Variants in FOXP2 observed in about 807,000 individuals in gnomAD.
FOXP2 encodes the protein forkhead box P2.
In FOXP2, 12 loss-of-function variants were observed where a neutral mutation model predicts 115.8. The observed-to-expected ratio is 0.10, with a 90% CI of 0.07 to 0.17. FOXP2 has a LOEUF of 0.17. FOXP2 is among the 10% of genes least tolerant of loss of function. The pLI, the probability that FOXP2 is intolerant of heterozygous loss-of-function variation, is 1.00. For synonymous variants in FOXP2, 328 were observed against 297.7 expected (o/e 1.10, Z -1.05); for missense variants, 629 against 843.5 (o/e 0.75, Z 3.15).
chr7:114,162,720 G>A (rs1447744981), upstream of FOXP2, among the ~76,000 whole-genome samples: 2 of 151,938 alleles, frequency 1.3e-5, no homozygotes, highest in Non-Finnish European at 2.9e-5. Flanking sequence ...TTGCTATGCT[G>A]CTTAGCCATA....
At chr7:114,279,508 T>C (rs1447316525) in intron 1 of FOXP2, among the ~76,000 whole-genome samples, 2 of 152,174 alleles carry the variant, frequency 1.3e-5, no homozygotes, top group African/African-American at 2.4e-5. Flanking sequence ...CTAGACTGCC[T>C]GTGTCACATT....
chr7:114,462,733 T>A (rs1795635423), intron 2 of FOXP2, among the ~76,000 whole-genome samples: 1 of 152,168 alleles, frequency 6.6e-6, no homozygotes, highest in Non-Finnish European at 1.5e-5. Context: ...TGAGTTGAAA[T>A]CAGACATATG....
chr7:114,534,529 C>T lies in FOXP2; in HGVS notation c.169-88C>T, dbSNP rs985937429. 38 of 1,045,256 alleles carry T rather than the reference C, an allele frequency of 3.6e-5. 1 individual carries two copies. Among genetic ancestry groups the T allele is most frequent in the South Asian group, 3.3e-4 (26 of 79,220 alleles). The allele number at this position is 1,045,256 out of a possible 1,614,324, so 64.7% of individuals were successfully genotyped here. ...AGAAAGGAATATGGGAGTTCTTGTA[C>T]ATTGAAGCCTTTTACTATTAACCAA... On this transcript the variant is annotated intron_variant, in intron 2 of 16. Coordinates refer to ENST00000350908, the MANE Select transcript of FOXP2 (RefSeq NM_014491.4).
intron 2 of FOXP2, among the ~76,000 whole-genome samples, chr7:114,461,444 CTGCTATA>C (rs1795555858): frequency 6.6e-6 from 1 of 151,672 alleles, no homozygotes; most frequent in South Asian, 2.1e-4. Flanking sequence ...TGATTGTGTC[CTGCTATA>C]TGTGTTATTT....
At chr7:114,245,901 A>G (rs2129168478) in intron 1 of FOXP2, among the ~76,000 whole-genome samples, 1 of 152,290 alleles carries the variant, frequency 6.6e-6, no homozygotes, top group South Asian at 2.1e-4. Flanking sequence ...ACTGTACTAA[A>G]GAGTTATTGT....
At chr7:114,435,774 G>A (rs1794315323) in intron 2 of FOXP2, among the ~76,000 whole-genome samples, 4 of 152,106 alleles carry the variant, frequency 2.6e-5, no homozygotes, top group Admixed American at 2.6e-4. Flanking sequence ...CCTGACCTCA[G>A]GTGATTCGCC....
chr7:114,310,598 A>G (rs1797125454), intron 2 of FOXP2, among the ~76,000 whole-genome samples: 1 of 151,874 alleles, frequency 6.6e-6, no homozygotes, highest in African/African-American at 2.4e-5. Context: ...GTACTCTGGC[A>G]GGCATCAGAG....
chr7:114,498,296 T>C (rs941720701), intron 2 of FOXP2, among the ~76,000 whole-genome samples: 1 of 152,210 alleles, frequency 6.6e-6, no homozygotes, highest in African/African-American at 2.4e-5. Context: ...CACAATGGTT[T>C]GGACTTACTT....
intron 1 of FOXP2, among the ~76,000 whole-genome samples, chr7:114,228,389 C>T (rs548060344): frequency 6.6e-6 from 1 of 152,038 alleles, no homozygotes; most frequent in African/African-American, 2.4e-5. Context: ...CTTTTAGTTT[C>T]AAGAGCTGAA....
At chr7:114,232,891 A>T (rs1794920488) in intron 1 of FOXP2, among the ~76,000 whole-genome samples, 1 of 152,166 alleles carries the variant, frequency 6.6e-6, no homozygotes, top group Non-Finnish European at 1.5e-5. Context: ...TGAGATCATT[A>T]TGCTAAATGA....
intron 2 of FOXP2, among the ~76,000 whole-genome samples, chr7:114,308,240 C>G (rs190790094): frequency 4.4e-4 from 67 of 152,228 alleles, no homozygotes; most frequent in Non-Finnish European, 1.2e-4. Context: ...CACCTTGGTC[C>G]TCATAGGCCA....
chr7:114,393,921 G>C (rs1792670996), intron 2 of FOXP2, among the ~76,000 whole-genome samples: 2 of 151,848 alleles, frequency 1.3e-5, no homozygotes, highest in South Asian at 4.1e-4. Flanking sequence ...ATTTTCTATA[G>C]ATATAGAAAT....
At chr7:114,408,662 G>T (rs1197003500) in intron 2 of FOXP2, among the ~76,000 whole-genome samples, 1 of 152,074 alleles carries the variant, frequency 6.6e-6, no homozygotes, top group Non-Finnish European at 1.5e-5. Flanking sequence ...GGGAGGCAGA[G>T]GTTGGAGTGA....
In FOXP2 at chr7:114,661,861, G is replaced by T. The variant is rs564971880; in HGVS notation, c.1648-204G>T. The T allele has an allele frequency of 6.5e-5, 37 of 568,372 alleles. 1 individual carries two copies. Among genetic ancestry groups the T allele is most frequent in the Non-Finnish European group, 8.5e-5 (28 of 327,602 alleles). The allele number at this position is 568,372 out of a possible 1,614,324, so 35.2% of individuals were successfully genotyped here. ...AGCTATTATTAAAATAGCTTGGAAG[G>T]TTCTCTTATCACAAAGTTCAAACTG... On this transcript the variant is annotated intron_variant, in intron 13 of 16. Coordinates refer to ENST00000350908, the MANE Select transcript of FOXP2 (RefSeq NM_014491.4).
intron 2 of FOXP2, among the ~76,000 whole-genome samples, chr7:114,331,762 G>A (rs139501426): frequency 1.2e-3 from 180 of 151,734 alleles, no homozygotes; most frequent in African/African-American, 3.9e-3. Flanking sequence ...CTGCCTCCCG[G>A]GTTCAAGTGA....
chr7:114,403,979 C>A (rs1420340026), intron 2 of FOXP2, among the ~76,000 whole-genome samples: 4 of 152,156 alleles, frequency 2.6e-5, no homozygotes, highest in African/African-American at 9.7e-5. Flanking sequence ...CTCTTTTCTT[C>A]TGCCCTCCTA....
intron 1 of FOXP2, among the ~76,000 whole-genome samples, chr7:114,181,669 T>C (rs1189072576): frequency 6.6e-6 from 1 of 152,076 alleles, no homozygotes; most frequent in Non-Finnish European, 1.5e-5. Flanking sequence ...CATGTCCAAT[T>C]TTAAAGCATG....
At chr7:114,583,988 T>G (rs543478178) in intron 3 of FOXP2, among the ~76,000 whole-genome samples, 1 of 152,308 alleles carries the variant, frequency 6.6e-6, no homozygotes, top group South Asian at 2.1e-4. Context: ...CATGTTTACT[T>G]TGGCAGAAGC....
chr7:114,416,660 TTATC>T (rs1482679727), intron 1 of FOXP2, among the ~76,000 whole-genome samples: 1 of 152,020 alleles, frequency 6.6e-6, no homozygotes, highest in African/African-American at 2.4e-5. Flanking sequence ...TTAAATCTGA[TTATC>T]TATAGTTGAT....
Sources: allele counts gnomAD v4.1 joint callset (sites outside exome capture counted in the v4.1 genomes callset), GRCh38; gene constraint gnomAD v4.1.1; transcripts MANE v1.5; gene names NCBI Gene and HGNC (gene_info 2026-07-23, HGNC 2026-07-21).